PIGL: variants seen among roughly 807,000 people sequenced by gnomAD.
The protein encoded by PIGL is N-acetylglucosaminyl-phosphatidylinositol de-N-acetylase.
A neutral mutation model predicts 31.1 loss-of-function variants in PIGL; 22 were observed. The observed-to-expected ratio is 0.71, with a 90% CI of 0.51 to 1.01. The LOEUF is 1.01. Among genes scored for constraint, PIGL ranks in the 50% least tolerant of loss-of-function variants. The pLI is 0.00. For missense variants in PIGL, 302 were observed against 315.9 expected, an observed-to-expected ratio of 0.96 and a Z score of 0.33; for synonymous variants, 131 against 117.4, an observed-to-expected ratio of 1.12 and a Z score of -0.75.
At chr17:16,260,030 G>A (rs1214522170) in intron 2 of PIGL, among the ~76,000 whole-genome samples, 4 of 152,212 alleles carry the variant, frequency 2.6e-5, no homozygotes, top group Non-Finnish European at 5.9e-5. Context: ...CACAGTGCAC[G>A]CATGCTCAGG....
Position 16,217,367 on chromosome 17 carries a change from AGC to A in PIGL, c.144_145del (p.His49ProfsTer2). ...CCGAAAGCCGGACCCTGCTGGTCAT[AGC>A]GCACCCTGACGATGAAGCCATGTTT... ...GAESRTLLVIAHPDDEAMFFA... is the reference protein window; with the variant it reads ...GAESRTLLVIXHPDDEAMFFA... On this transcript the variant is annotated frameshift_variant, in exon 1 of 7. Coordinates refer to ENST00000225609, the MANE Select transcript of PIGL (RefSeq NM_004278.4). LOFTEE classifies it high-confidence loss of function. The A allele has an allele frequency of 6.2e-7, 1 of 1,614,212 alleles. No homozygotes were observed. The highest frequency in any genetic ancestry group is 1.1e-5 in the South Asian group (1 of 91,090).
chr17:16,226,893 C>T (rs1490416592), intron 1 of PIGL, among the ~76,000 whole-genome samples: 2 of 152,130 alleles, frequency 1.3e-5, no homozygotes, highest in African/African-American at 2.4e-5. Flanking sequence ...CTGGGTCAGC[C>T]GCATAATACC....
chr17:16,259,945 C>G (rs2142746996), intron 2 of PIGL, among the ~76,000 whole-genome samples: 1 of 152,344 alleles, frequency 6.6e-6, no homozygotes, highest in South Asian at 2.1e-4. Flanking sequence ...CACTGCCTGG[C>G]CTCTTCCTGT....
At chr17:16,254,292 G>C (rs2092784381) in intron 2 of PIGL, among the ~76,000 whole-genome samples, 1 of 151,554 alleles carries the variant, frequency 6.6e-6, no homozygotes, top group Non-Finnish European at 1.5e-5. Flanking sequence ...TTTTGAGATA[G>C]AGTTTCGTTC....
intron 3 of PIGL, among the ~76,000 whole-genome samples, chr17:16,305,280 A>G (rs1321861017): frequency 2.0e-5 from 3 of 152,116 alleles, no homozygotes; most frequent in Non-Finnish European, 4.4e-5. Flanking sequence ...TGACAGAATG[A>G]GAGCCTGTCT....
At chr17:16,264,431 C>A (rs568532396) in intron 2 of PIGL, among the ~76,000 whole-genome samples, 1 of 151,788 alleles carries the variant, frequency 6.6e-6, no homozygotes, top group Non-Finnish European at 1.5e-5. Flanking sequence ...CAGGTGTGAA[C>A]CACCACACAT....
intron 2 of PIGL, among the ~76,000 whole-genome samples, chr17:16,258,797 A>G (rs1157543713): frequency 6.6e-6 from 1 of 152,184 alleles, no homozygotes; most frequent in Non-Finnish European, 1.5e-5. Context: ...CACCACGTCC[A>G]GCCTGGAAGT....
At chr17:16,225,542 C>T (rs903990708) in intron 1 of PIGL, among the ~76,000 whole-genome samples, 1 of 142,284 alleles carries the variant, frequency 7.0e-6, no homozygotes, top group Non-Finnish European at 1.5e-5. Flanking sequence ...TCACCTGCCA[C>T]CATGCCCGGC....
At chr17:16,238,195 CAAA>C (rs529480311) in intron 2 of PIGL, among the ~76,000 whole-genome samples, 1 of 57,532 alleles carries the variant, frequency 1.7e-5, no homozygotes. Flanking sequence ...GACTCCGTCT[CAAA>C]AAAAAAAAAA....
intron 3 of PIGL, among the ~76,000 whole-genome samples, chr17:16,311,889 C>A (rs951118566): frequency 6.6e-6 from 1 of 152,218 alleles, no homozygotes; most frequent in Non-Finnish European, 1.5e-5. Flanking sequence ...AATCTGATTT[C>A]TCTATCTTTT....
intron 2 of PIGL, among the ~76,000 whole-genome samples, chr17:16,261,405 A>G (rs2092818767): frequency 6.6e-6 from 1 of 152,216 alleles, no homozygotes; most frequent in South Asian, 2.1e-4. Flanking sequence ...TCAACAAAAG[A>G]AAAAATAGAT....
chr17:16,279,040 A>G (rs2092906662), intron 2 of PIGL, among the ~76,000 whole-genome samples: 1 of 152,218 alleles, frequency 6.6e-6, no homozygotes, highest in Non-Finnish European at 1.5e-5. Context: ...CCAGGAAAGC[A>G]CACAGTTTCT....
chr17:16,288,275 C>T (rs573571658), intron 2 of PIGL, among the ~76,000 whole-genome samples: 14 of 152,186 alleles, frequency 9.2e-5, no homozygotes, highest in African/African-American at 2.6e-4. Flanking sequence ...GGCTCAGTCT[C>T]GGCTCACTGC....
chr17:16,299,782 T>C, intron 2 of PIGL, 106 bp from the exon 3 acceptor site: 1 of 793,414 alleles, frequency 1.3e-6, no homozygotes, highest in Non-Finnish European at 2.3e-6. Flanking sequence ...CAGGGACCCT[T>C]ACCCCCAATG....
intron 2 of PIGL, among the ~76,000 whole-genome samples, chr17:16,283,803 GTAAGAACCCACT>G (rs1268736974): frequency 2.6e-5 from 4 of 152,214 alleles, no homozygotes; most frequent in Non-Finnish European, 5.9e-5. Context: ...TTGAATATGA[GTAAGAACCCACT>G]TAACTTCAAT....
Position 16,231,704 on chromosome 17 carries a change from T to G in PIGL, c.236-2267T>G, listed in dbSNP as rs140957562. ...TAAATGTGATTATGATTGCTAGTTA[T>G]GACTGAGAAGTATGTTATGGGAAGA... On this transcript the variant is annotated intron_variant, in intron 1 of 6. Coordinates refer to ENST00000225609, the MANE Select transcript of PIGL (RefSeq NM_004278.4). 5.3e-5 allele frequency among the ~76,000 whole-genome samples: 8 copies of G among 152,310 alleles called. No homozygotes were observed. The East Asian group carries it at 1.5e-3, about 29-fold the overall frequency.
intron 6 of PIGL, among the ~76,000 whole-genome samples, chr17:16,320,923 C>A (rs1278030525): frequency 7.1e-5 from 10 of 140,168 alleles, no homozygotes; most frequent in African/African-American, 7.9e-5. Flanking sequence ...GCATGAGCCA[C>A]TGTGCCTGGC....
intron 2 of PIGL, among the ~76,000 whole-genome samples, chr17:16,292,024 A>T (rs867263184): frequency 6.6e-6 from 1 of 150,630 alleles, no homozygotes; most frequent in African/African-American, 2.4e-5. Flanking sequence ...TTTCAAAGTA[A>T]TGGAGCTCTT....
At chr17:16,304,665 A>G (rs1442353615) in intron 3 of PIGL, among the ~76,000 whole-genome samples, 3 of 152,176 alleles carry the variant, frequency 2.0e-5, no homozygotes, top group Non-Finnish European at 4.4e-5. Context: ...AAAGCAGCCT[A>G]GGGGGGTAGT....
Sources: allele counts gnomAD v4.1 joint callset (sites outside exome capture counted in the v4.1 genomes callset), GRCh38; gene constraint gnomAD v4.1.1; transcripts MANE v1.5; gene names NCBI Gene and HGNC (gene_info 2026-07-23, HGNC 2026-07-21).